The following ZNF578 variants were observed in gnomAD, a reference collection of about 807,000 sequenced individuals.
The protein encoded by ZNF578 is Putative chemokine-related protein B42.
ZNF578 carries 8 observed loss-of-function variants against 8.3 expected under a neutral mutation model. The observed-to-expected ratio is 0.96, with a 90% CI of 0.56 to 1.74. ZNF578 has a LOEUF of 1.74. Among genes scored for constraint, ZNF578 ranks in the 40% most tolerant of loss-of-function variants. The probability of loss-of-function intolerance (pLI) is 0.00; values close to 1 mark genes in which losing one functional copy is unlikely to be tolerated. For synonymous variants in ZNF578, 206 were observed against 232.2 expected (o/e 0.89, Z 1.03); for missense variants, 726 against 707.5 (o/e 1.03, Z -0.30).
At position 52,516,171 on chromosome 19, in the gene ZNF578, T is replaced by C. The variant is rs1414872498; in HGVS notation, c.*4017T>C. 2.0e-5 allele frequency among the ~76,000 whole-genome samples: 3 copies of C among 152,198 alleles called. No individual in the cohort carries two copies. The highest frequency in any genetic ancestry group is 1.5e-5 in the Non-Finnish European group (1 of 68,044). Reference sequence around the variant, plus strand: ...CCCTGTCCCTTTCTCCTCCTTCAGGTCTAGGCTCAGAGCTCTCTCCCATGC... The same window carrying C: ...CCCTGTCCCTTTCTCCTCCTTCAGGCCTAGGCTCAGAGCTCTCTCCCATGC... On this transcript the variant is annotated 3_prime_UTR_variant, in exon 6 of 6. Coordinates refer to ENST00000421239, the MANE Select transcript of ZNF578 (RefSeq NM_001099694.2).
chr19:52,507,340 A>G (rs2059428905), intron 5 of ZNF578, among the ~76,000 whole-genome samples: 1 of 152,138 alleles, frequency 6.6e-6, no homozygotes, highest in Non-Finnish European at 1.5e-5. Context: ...GTGAGCCATG[A>G]TCACGCCACT....
intron 2 of ZNF578, chr19:52,473,584 A>G: frequency 5.6e-6 from 1 of 179,310 alleles, no homozygotes; most frequent in Admixed American, 6.1e-5. Flanking sequence ...TCTCTCCAGT[A>G]TGAACTATCT....
intron 3 of ZNF578, among the ~76,000 whole-genome samples, chr19:52,499,379 C>CA (rs1202663859): frequency 6.6e-6 from 1 of 152,200 alleles, no homozygotes; most frequent in African/African-American, 2.4e-5. Flanking sequence ...ATGTCCCCTG[C>CA]AGGCCTCAAC....
chr19:52,475,603 C>T (rs575489045), intron 2 of ZNF578, among the ~76,000 whole-genome samples: 17 of 152,264 alleles, frequency 1.1e-4, no homozygotes, highest in South Asian at 2.1e-4. Flanking sequence ...ATGATCCACC[C>T]GCCTCGGCAT....
Position 52,515,052 on chromosome 19 carries a change from T to G in ZNF578, c.*2898T>G, listed in dbSNP as rs1438134215. On this transcript the variant is annotated 3_prime_UTR_variant, in exon 6 of 6. Coordinates refer to ENST00000421239, the MANE Select transcript of ZNF578 (RefSeq NM_001099694.2). ...ATCTGGTGTCACTCCAATGTCTTCC[T>G]CCTGGGTTCAAGTGATTTCTCCTGC... is the stretch of plus-strand genomic sequence containing the variant. 6.6e-6 allele frequency among the ~76,000 whole-genome samples: 1 copy of G among 150,482 alleles called. No homozygotes were observed. Among genetic ancestry groups the G allele is most frequent in the Non-Finnish European group, 1.5e-5 (1 of 67,786 alleles).
chr19:52,502,242 T>C (rs10412429), intron 4 of ZNF578, among the ~76,000 whole-genome samples: 28,992 of 152,090 alleles, frequency 0.19, 2,983 homozygotes, highest in Non-Finnish European at 0.23. Flanking sequence ...TCAGGGGCCA[T>C]ATCTGGATGT....
chr19:52,504,792 T>C lies in ZNF578; in HGVS notation c.190+11T>C, dbSNP rs377036529. The stretch of plus-strand genomic sequence containing the variant: ...ACCTGGAGGCTGTGGGTGAGGAAAA[T>C]GTCCCTGCAGACATGAGGAGTCTGC... On this transcript the variant is annotated intron_variant, in intron 5 of 5. Transcript: ENST00000421239. 92 of 1,614,022 alleles carry C rather than the reference T, an allele frequency of 5.7e-5. No individual in the cohort carries two copies. In the African/African-American group the frequency reaches 1.1e-3, roughly 20 times the overall value.
At chr19:52,497,978 A>G (rs1434017894) in intron 3 of ZNF578, among the ~76,000 whole-genome samples, 1 of 152,168 alleles carries the variant, frequency 6.6e-6, no homozygotes, top group East Asian at 1.9e-4. Context: ...CTCAGATCTC[A>G]TTTCTACAGC....
At position 52,498,371 on chromosome 19, in the gene ZNF578, G is replaced by A. The variant is rs1351492486; in HGVS notation, c.-19-3456G>A. Among the ~76,000 whole-genome samples, 3 of 133,646 alleles carry A rather than the reference G, an allele frequency of 2.2e-5. No individual in the cohort carries two copies. In the South Asian group the frequency reaches 7.2e-4, roughly 32 times the overall value. The allele number at this position is 133,646 out of a possible 152,430, so 87.7% of individuals were successfully genotyped here. ...TTTTGAGATGGAGTCTCACTCTGTC[G>A]CCCAGGAGGGAGTGCAGTGGCGCAA... On this transcript the variant is annotated intron_variant, in intron 3 of 5. Coordinates refer to ENST00000421239, the MANE Select transcript of ZNF578 (RefSeq NM_001099694.2).
At chr19:52,490,771 G>A (rs2059362547) in intron 2 of ZNF578, among the ~76,000 whole-genome samples, 1 of 151,958 alleles carries the variant, frequency 6.6e-6, no homozygotes, top group African/African-American at 2.4e-5. Flanking sequence ...CCGAGTAGCT[G>A]GGACTACAGG....
Position 52,515,648 on chromosome 19 carries a change from G to A in ZNF578, c.*3494G>A, listed in dbSNP as rs1471941509. On this transcript the variant is annotated 3_prime_UTR_variant, in exon 6 of 6. Transcript: ENST00000421239. ...GTGAGCCTCCCTGCAACTTGGCGAC[G>A]AGGGGCTTGACCAGAAAAGGTCAAC... is the stretch of plus-strand genomic sequence containing the variant. Among the ~76,000 whole-genome samples, 1 of 151,950 alleles carries A rather than the reference G, an allele frequency of 6.6e-6. No individual in the cohort carries two copies. Among genetic ancestry groups the A allele is most frequent in the African/African-American group, 2.4e-5 (1 of 41,364 alleles).
Position 52,511,472 on chromosome 19 carries a change from T to G in ZNF578, c.1091T>G (p.Leu364Arg). Residue 364 changes from leucine to arginine, a missense_variant, in exon 6 of 6, where the codon CTT becomes CGT. Leu to Arg is a moderately radical substitution (Grantham distance 102). Transcript: ENST00000421239. ...TCATCCCTTAGATGCCATCGTAGACTTCATACTGGAATAAAACCTTACAAG... is the reference window on the plus strand; with the variant it reads ...TCATCCCTTAGATGCCATCGTAGACGTCATACTGGAATAAAACCTTACAAG... ...YKSSLRCHRR[L>R]HTGIKPYKCN... 6.2e-7 allele frequency: 1 copy of G among 1,614,090 alleles called. No individual in the cohort carries two copies. The highest frequency in any genetic ancestry group is 8.5e-7 in the Non-Finnish European group (1 of 1,179,948).
intron 2 of ZNF578, among the ~76,000 whole-genome samples, chr19:52,463,179 T>C (rs1027979587): frequency 6.6e-6 from 1 of 152,160 alleles, no homozygotes; most frequent in African/African-American, 2.4e-5. Context: ...TGTTTAATGC[T>C]CCACTACAGT....
chr19:52,514,896 C>T lies in ZNF578; in HGVS notation c.*2742C>T, dbSNP rs139188061. ...CAGGCTGGTCTCAAACTCCTGACCT[C>T]GCGATCCACCCGACTCAGCCTCCCA... On this transcript the variant is annotated 3_prime_UTR_variant, in exon 6 of 6. Transcript: ENST00000421239. Among the ~76,000 whole-genome samples the T allele has an allele frequency of 7.3e-3, 1,103 of 150,732 alleles. 13 individuals carry two copies. Among genetic ancestry groups the T allele is most frequent in the African/African-American group, 0.023 (960 of 41,012 alleles).
chr19:52,502,768 G>T (rs71358876), intron 4 of ZNF578, among the ~76,000 whole-genome samples: 5 of 152,024 alleles, frequency 3.3e-5, no homozygotes, highest in African/African-American at 4.8e-5. Flanking sequence ...AGAAGGTGTC[G>T]CTCTGTGGCT....
At chr19:52,455,193 C>CTTTTTTTTTTTTTT (rs10607252) in intron 1 of ZNF578, 9 of 98,400 alleles carry the variant, frequency 9.1e-5, no homozygotes, top group African/African-American at 3.6e-4. Flanking sequence ...GCCTTTCTAT[C>CTTTTTTTTTTTTTT]TTTTTTTTTT....
chr19:52,510,963 A>G lies in ZNF578; in HGVS notation c.582A>G (p.Gln194=), dbSNP rs117888157. Residue 194 remains glutamine, a synonymous_variant, in exon 6 of 6, where the codon CAA becomes CAG. Coordinates refer to ENST00000421239, the MANE Select transcript of ZNF578 (RefSeq NM_001099694.2). The part of the protein sequence containing the change: ...VNDASSISTS[Q]RISCRPETHT... ...ATGCTTCCTCAATTTCAACATCCCA[A>G]AGAATTTCTTGTAGGCCTGAAACAC... The G allele has an allele frequency of 8.4e-4, 1,349 of 1,614,184 alleles. 19 individuals carry two copies. In the East Asian group the frequency reaches 0.025, roughly 30 times the overall value.
intron 2 of ZNF578, among the ~76,000 whole-genome samples, chr19:52,463,746 C>T (rs1329963096): frequency 6.6e-6 from 1 of 152,100 alleles, no homozygotes; most frequent in Non-Finnish European, 1.5e-5. Flanking sequence ...CTGTAATCAC[C>T]ACCTGTAATT....
intron 3 of ZNF578, among the ~76,000 whole-genome samples, chr19:52,500,133 C>T (rs2059401391): frequency 6.6e-6 from 1 of 152,170 alleles, no homozygotes; most frequent in Non-Finnish European, 1.5e-5. Context: ...TGATCTCCCA[C>T]AGCCCTCATT....
Sources: gnomAD v4.1 joint callset for allele counts (sites outside exome capture counted in the v4.1 genomes callset) on GRCh38, gnomAD v4.1.1 for gene constraint, MANE v1.5 for transcripts, NCBI Gene and HGNC (gene_info 2026-07-23, HGNC 2026-07-21) for gene names.